SOX5: variants seen among roughly 807,000 people sequenced by gnomAD.
The protein encoded by SOX5 is transcription factor SOX-5.
In SOX5, 9 loss-of-function variants were observed where a neutral mutation model predicts 92.0. The observed-to-expected ratio is 0.10, with a 90% CI of 0.06 to 0.17. The LOEUF (loss-of-function observed/expected upper bound fraction) is 0.17, where lower values mean the gene tolerates loss of function less well. SOX5 is among the 10% of genes least tolerant of loss of function. The probability of loss-of-function intolerance (pLI) is 1.00; values close to 1 mark genes in which losing one functional copy is unlikely to be tolerated. For missense variants in SOX5, 642 were observed against 944.5 expected (o/e 0.68, Z 4.20); for synonymous variants, 344 against 336.3 (o/e 1.02, Z -0.25).
At position 23,665,575 on chromosome 12, in the gene SOX5, T is replaced by C. The variant is rs1232149116; in HGVS notation, c.811-11A>G. On this transcript the variant is annotated splice_polypyrimidine_tract_variant and intron_variant, in intron 6 of 14. Transcript: ENST00000451604. ...CAGCTGACCTTGAACCTGCTGAACG[T>C]GATAGAGCGAATCAAAGAGAAGAAG... 1 of 1,600,394 alleles carries C rather than the reference T, an allele frequency of 6.2e-7. No homozygotes were observed. The highest frequency in any genetic ancestry group is 8.5e-7 in the Non-Finnish European group (1 of 1,174,384).
chr12:23,975,338 T>A (rs946093639), intron 4 of SOX5, among the ~76,000 whole-genome samples: 1 of 151,948 alleles, frequency 6.6e-6, no homozygotes, highest in African/African-American at 2.4e-5. Context: ...TAATATGATA[T>A]ACTTTTTTTA....
intron 1 of SOX5, among the ~76,000 whole-genome samples, chr12:24,410,806 G>A (rs1596378311): frequency 6.6e-6 from 1 of 152,028 alleles, no homozygotes; most frequent in Non-Finnish European, 1.5e-5. Flanking sequence ...TTGCTTTTCA[G>A]CTGAAATTTC....
chr12:24,096,231 G>A (rs750039116), intron 4 of SOX5, among the ~76,000 whole-genome samples: 5 of 152,016 alleles, frequency 3.3e-5, no homozygotes, highest in Non-Finnish European at 4.4e-5. Flanking sequence ...ACCCATCATC[G>A]ACATTGGGTA....
intron 1 of SOX5, among the ~76,000 whole-genome samples, chr12:24,513,915 TC>T (rs1949547228): frequency 6.6e-6 from 1 of 152,214 alleles, no homozygotes; most frequent in Non-Finnish European, 1.5e-5. Flanking sequence ...GGTAATCCTT[TC>T]CACTGCTAGA....
intron 3 of SOX5, among the ~76,000 whole-genome samples, chr12:23,813,745 C>A (rs2095925167): frequency 6.6e-6 from 1 of 152,120 alleles, no homozygotes; most frequent in African/African-American, 2.4e-5. Context: ...TTCATAATTT[C>A]TGAGTTCTGG....
At chr12:24,192,617 A>G (rs931878273) in intron 4 of SOX5, among the ~76,000 whole-genome samples, 6 of 152,256 alleles carry the variant, frequency 3.9e-5, no homozygotes, top group Non-Finnish European at 7.3e-5. Flanking sequence ...TTCAAAATCA[A>G]AGATACATCC....
At chr12:23,905,704 G>A (rs1305735625) in intron 1 of SOX5, among the ~76,000 whole-genome samples, 1 of 152,100 alleles carries the variant, frequency 6.6e-6, no homozygotes, top group Non-Finnish European at 1.5e-5. Flanking sequence ...CTAGTTTACA[G>A]GAACATTTGT....
intron 13 of SOX5, among the ~76,000 whole-genome samples, chr12:23,542,642 G>A (rs1942331470): frequency 2.0e-5 from 3 of 152,126 alleles, no homozygotes; most frequent in East Asian, 1.9e-4. Context: ...AGTACTTAAG[G>A]TTACTAAAAG....
At chr12:24,173,712 T>G (rs1954464303) in intron 4 of SOX5, among the ~76,000 whole-genome samples, 1 of 152,180 alleles carries the variant, frequency 6.6e-6, no homozygotes, top group Non-Finnish European at 1.5e-5. Flanking sequence ...TTAATACAGA[T>G]GCTGGGGCCT....
chr12:24,026,615 A>C (rs1271294171), intron 4 of SOX5, among the ~76,000 whole-genome samples: 1 of 146,556 alleles, frequency 6.8e-6, no homozygotes, highest in East Asian at 2.0e-4. Flanking sequence ...AAAAAAAAAC[A>C]AAAAAAATTT....
At chr12:23,826,474 C>T (rs2135487982) in intron 3 of SOX5, among the ~76,000 whole-genome samples, 1 of 152,210 alleles carries the variant, frequency 6.6e-6, no homozygotes, top group South Asian at 2.1e-4. Flanking sequence ...CATGAGCAAA[C>T]ACGTCTAATT....
At chr12:23,754,395 C>T (rs1055955766) in intron 4 of SOX5, among the ~76,000 whole-genome samples, 1 of 151,812 alleles carries the variant, frequency 6.6e-6, no homozygotes, top group Non-Finnish European at 1.5e-5. Flanking sequence ...GACCTGCCGC[C>T]TCTGAAGATG....
intron 3 of SOX5, among the ~76,000 whole-genome samples, chr12:23,804,920 TA>T (rs1316725075): frequency 5.6e-4 from 3 of 5,362 alleles, no homozygotes; most frequent in African/African-American, 2.2e-3. Context: ...TTGTTTTATA[TA>T]TATATATATA....
At chr12:24,256,668 G>T (rs1257862012) in intron 3 of SOX5, among the ~76,000 whole-genome samples, 1 of 151,488 alleles carries the variant, frequency 6.6e-6, no homozygotes, top group Non-Finnish European at 1.5e-5. Flanking sequence ...GGGCAGGGTG[G>T]GTGGGGAATG....
chr12:23,616,202 A>T (rs917161057), intron 8 of SOX5, among the ~76,000 whole-genome samples: 7 of 152,168 alleles, frequency 4.6e-5, no homozygotes, highest in African/African-American at 1.7e-4. Context: ...TGAAGAGTAG[A>T]CAGGGCTGAC....
At chr12:24,403,812 C>T (rs1280934063) in intron 1 of SOX5, among the ~76,000 whole-genome samples, 4 of 152,066 alleles carry the variant, frequency 2.6e-5, no homozygotes, top group Admixed American at 6.5e-5. Context: ...TAAGTAAGCA[C>T]CTATTAGAAT....
At chr12:24,085,687 T>A (rs1005482626) in intron 4 of SOX5, among the ~76,000 whole-genome samples, 3 of 152,008 alleles carry the variant, frequency 2.0e-5, no homozygotes, top group African/African-American at 7.2e-5. Context: ...TCTAGAAAGA[T>A]GTCTCACCAA....
intron 8 of SOX5, among the ~76,000 whole-genome samples, chr12:23,633,132 G>A (rs1470098745): frequency 6.6e-6 from 1 of 151,946 alleles, no homozygotes; most frequent in Non-Finnish European, 1.5e-5. Context: ...TAGAACAGGT[G>A]GCAACCATCT....
intron 1 of SOX5, among the ~76,000 whole-genome samples, chr12:24,434,936 A>G (rs1939113297): frequency 6.6e-6 from 1 of 152,204 alleles, no homozygotes; most frequent in Admixed American, 6.5e-5. Flanking sequence ...TGTCCCTCAA[A>G]TACCTAGCAG....
Sources: gnomAD v4.1 joint callset for allele counts (sites outside exome capture counted in the v4.1 genomes callset) on GRCh38, gnomAD v4.1.1 for gene constraint, MANE v1.5 for transcripts, NCBI Gene and HGNC (gene_info 2026-07-23, HGNC 2026-07-21) for gene names.